The following AMD1 variants were observed in gnomAD, a reference collection of about 807,000 sequenced individuals.
The protein encoded by AMD1 is adenosylmethionine decarboxylase 1, also known as S-adenosylmethionine decarboxylase proenzyme.
A neutral mutation model predicts 40.2 loss-of-function variants in AMD1; 11 were observed. That is an observed-to-expected ratio of 0.27 (90% CI 0.17 to 0.45). The LOEUF is 0.45. Ranked by LOEUF, AMD1 falls within the 20% of genes least tolerant of loss-of-function variation. The pLI is 1.00. For missense variants in AMD1, 257 were observed against 410.2 expected (o/e 0.63, Z 3.23); for synonymous variants, 121 against 130.8 (o/e 0.93, Z 0.51).
chr6:110,890,807 G>T (rs1234828461), intron 4 of AMD1: 1 of 152,478 alleles, frequency 6.6e-6, no homozygotes, highest in East Asian at 1.9e-4. Flanking sequence ...CTTTGACTTA[G>T]ATGTTTTGGG....
At chr6:110,883,039 T>C (rs993873527) in intron 1 of AMD1, among the ~76,000 whole-genome samples, 5 of 152,108 alleles carry the variant, frequency 3.3e-5, no homozygotes, top group African/African-American at 1.2e-4. Context: ...TGGGAGGATC[T>C]CTTTGAGCAT....
chr6:110,849,818 A>C, the AMD1 span, among the ~76,000 whole-genome samples: 1 of 152,102 alleles, frequency 6.6e-6, no homozygotes, highest in Non-Finnish European at 1.5e-5. Flanking sequence ...CCGTGAGTTC[A>C]AGACCAGCCT....
chr6:110,861,456 A>G, the AMD1 span, among the ~76,000 whole-genome samples: 1 of 150,750 alleles, frequency 6.6e-6, no homozygotes, highest in Non-Finnish European at 1.5e-5. Flanking sequence ...CCCAGGAGGC[A>G]GAGGTTGCAC....
chr6:110,875,212 C>A lies in AMD1; in HGVS notation c.107C>A (p.Pro36Gln). 6.2e-7 allele frequency: 1 copy of A among 1,606,034 alleles called. No homozygotes were observed. The highest frequency in any genetic ancestry group is 8.5e-7 in the Non-Finnish European group (1 of 1,176,414). ...NQGSGDLRTI[P>Q]RSEWDILLKD... ...GGATCTGGGGATCTTCGCACTATCC[C>A]AAGGTGGGTCCCCGGGGCGCTCGCT... The change falls in exon 1 of 9, where the codon CCA (proline) becomes CAA (glutamine). Residue 36 changes from proline (P) to glutamine (Q), a missense_variant. Physicochemically the swap from Pro to Gln is moderately conservative, Grantham distance 76. This residue lies in a region of AMD1 where 57 missense variants were observed against 76.8 expected (regional missense o/e 0.74). Transcript: ENST00000368885.
rs1786085974 is a variant in AMD1 at position 110,892,628 on chromosome 6, T to C, written c.616-107T>C. ...AGGTGTTAAGCCTAGTACCCATTAG[T>C]TATTTTTCCTGGTCCTCTCCCTTCT... On this transcript the variant is annotated intron_variant, in intron 6 of 8. Transcript: ENST00000368885. 93 of 1,428,980 alleles carry C rather than the reference T, an allele frequency of 6.5e-5. 2 individuals carry two copies. In the South Asian group the frequency reaches 1.1e-3, roughly 18 times the overall value. 88.5% of individuals were successfully genotyped at this position (1,428,980 alleles called of 1,614,324 possible). A position where few individuals can be genotyped will look rare whatever the true frequency, so the allele number is the denominator to read the frequency against.
chr6:110,828,448 G>GAAAGA, the AMD1 span, among the ~76,000 whole-genome samples: 3 of 151,308 alleles, frequency 2.0e-5, no homozygotes, highest in African/African-American at 7.3e-5. Context: ...AAAAAAGAAA[G>GAAAGA]AAAGAAAAGA....
intron 6 of AMD1, 31 bp downstream of exon 6, chr6:110,892,474 A>G: frequency 6.2e-7 from 1 of 1,609,632 alleles, no homozygotes; most frequent in Non-Finnish European, 8.5e-7. Context: ...TTGTTGCTGG[A>G]CTCTTCTGCG....
chr6:110,866,817 CTTT>C, the AMD1 span, among the ~76,000 whole-genome samples: 1 of 144,014 alleles, frequency 6.9e-6, no homozygotes, highest in African/African-American at 2.5e-5. Flanking sequence ...ACAACACTTT[CTTT>C]TTTTTTTTTT....
chr6:110,892,659 CCTGG>C, intron 6 of AMD1, 72 bp from the exon 7 acceptor site: 1 of 1,543,868 alleles, frequency 6.5e-7, no homozygotes, highest in Admixed American at 1.7e-5. Flanking sequence ...CTTCTCCCAC[CCTGG>C]GACTAAATTT....
the AMD1 span, chr6:110,859,215 T>C: frequency 1.5e-6 from 1 of 681,600 alleles, no homozygotes; most frequent in Non-Finnish European, 2.4e-6. Context: ...TGTGTTTTCA[T>C]CTTTTTTTTT....
intron 1 of AMD1, among the ~76,000 whole-genome samples, chr6:110,886,110 C>T (rs745645289): frequency 1.3e-5 from 2 of 151,696 alleles, no homozygotes; most frequent in Non-Finnish European, 2.9e-5. Context: ...CAAAAATTAG[C>T]CAGGTGTGGT....
chr6:110,873,321 G>A (rs1219885197), upstream of AMD1, among the ~76,000 whole-genome samples: 1 of 152,196 alleles, frequency 6.6e-6, no homozygotes, highest in South Asian at 2.1e-4. Context: ...CCGAGATCAC[G>A]CCACTGAACT....
chr6:110,822,265 A>G, the AMD1 span, among the ~76,000 whole-genome samples: 322 of 152,312 alleles, frequency 2.1e-3, 2 homozygotes, highest in African/African-American at 7.5e-3. Flanking sequence ...AACTAACACC[A>G]CAGAAATACA....
At chr6:110,889,157 A>T in intron 3 of AMD1, 174 bp downstream of exon 3, 1 of 566,552 alleles carries the variant, frequency 1.8e-6, no homozygotes, top group East Asian at 3.8e-5. Context: ...AGCAGAAAAT[A>T]GGAAGCAGAG....
the AMD1 span, among the ~76,000 whole-genome samples, chr6:110,849,608 T>A: frequency 6.6e-6 from 1 of 152,164 alleles, no homozygotes; most frequent in African/African-American, 2.4e-5. Flanking sequence ...AGCCTAATGT[T>A]ACATTTACAC....
chr6:110,852,251 T>A, the AMD1 span, among the ~76,000 whole-genome samples: 1 of 129,646 alleles, frequency 7.7e-6, no homozygotes, highest in East Asian at 2.6e-4. Flanking sequence ...AGAAGGAGTC[T>A]CTCTCTGTCG....
chr6:110,857,393 G>A, the AMD1 span, among the ~76,000 whole-genome samples: 211 of 151,686 alleles, frequency 1.4e-3, no homozygotes, highest in African/African-American at 4.5e-3. Context: ...TTAGCTGGGC[G>A]TGGTGGTGCA....
chr6:110,822,935 G>A, the AMD1 span, among the ~76,000 whole-genome samples: 2 of 152,088 alleles, frequency 1.3e-5, no homozygotes, highest in Non-Finnish European at 2.9e-5. Context: ...GACCAATATG[G>A]AGAAACCCTG....
At position 110,883,934 on chromosome 6, in the gene AMD1, C is replaced by A. The variant is rs554128519; in HGVS notation, c.111-3571C>A. 6.6e-5 allele frequency among the ~76,000 whole-genome samples: 10 copies of A among 152,166 alleles called. No individual in the cohort carries two copies. In the South Asian group the frequency reaches 2.1e-3, roughly 32 times the overall value. On this transcript the variant is annotated intron_variant, in intron 1 of 8. Transcript: ENST00000368885. ...GTAGTGGATGAAGAAGAGTCCTTCC[C>A]CTATCCCCTATGTGAGTCAGGCATT...
Sources: gnomAD v4.1 joint callset for allele counts (sites outside exome capture counted in the v4.1 genomes callset) on GRCh38, gnomAD v4.1.1 for gene constraint, gnomAD v4.1.1 regional missense constraint, MANE v1.5 for transcripts, NCBI Gene and HGNC (gene_info 2026-07-23, HGNC 2026-07-21) for gene names.